SYNE1: variants seen among roughly 807,000 people sequenced by gnomAD.
SYNE1 encodes spectrin repeat containing nuclear envelope protein 1.
In SYNE1, 616 loss-of-function variants were observed where a neutral mutation model predicts 1,111.0. The ratio of observed to expected loss-of-function variants is 0.55; its 90% confidence interval spans 0.52 to 0.59. SYNE1 has a LOEUF of 0.59. SYNE1 is among the 20% of genes least tolerant of loss of function. The pLI is 0.00. For synonymous variants in SYNE1, 3,855 were observed against 3,825.8 expected, an observed-to-expected ratio of 1.01 and a Z score of -0.28; for missense variants, 10,006 against 10,417.0, an observed-to-expected ratio of 0.96 and a Z score of 1.72.
At chr6:152,624,645 A>G (rs528748171) in intron 3 of SYNE1, among the ~76,000 whole-genome samples, 2 of 152,316 alleles carry the variant, frequency 1.3e-5, no homozygotes, top group African/African-American at 4.8e-5. Context: ...AAATTGAGTA[A>G]AGTTCCAGAA....
intron 25 of SYNE1, among the ~76,000 whole-genome samples, chr6:152,451,648 C>T (rs940918286): frequency 1.3e-5 from 2 of 151,728 alleles, no homozygotes. Flanking sequence ...TGCCCAGCCA[C>T]TTTTTGTACA....
chr6:152,543,399 A>G (rs2099282930), intron 3 of SYNE1, among the ~76,000 whole-genome samples: 1 of 152,198 alleles, frequency 6.6e-6, no homozygotes, highest in Non-Finnish European at 1.5e-5. Context: ...TTAATTATTC[A>G]GCAAACCCTC....
intron 78 of SYNE1, among the ~76,000 whole-genome samples, chr6:152,327,287 A>G (rs2096096096): frequency 6.6e-6 from 1 of 152,034 alleles, no homozygotes; most frequent in African/African-American, 2.4e-5. Context: ...AAACAAACAA[A>G]CAAACAAACA....
intron 4 of SYNE1, among the ~76,000 whole-genome samples, chr6:152,530,549 T>C (rs765869024): frequency 6.6e-6 from 1 of 151,070 alleles, no homozygotes; most frequent in Non-Finnish European, 1.5e-5. Context: ...AGTCTGAAAA[T>C]GTTAAACAAA....
chr6:152,457,279 C>G (rs1327284813), intron 22 of SYNE1, among the ~76,000 whole-genome samples: 1 of 152,126 alleles, frequency 6.6e-6, no homozygotes, highest in Non-Finnish European at 1.5e-5. Flanking sequence ...TAGCCTTCAT[C>G]TTAAAGTGAG....
chr6:152,269,106 T>G lies in SYNE1; in HGVS notation c.18705+49A>C. ...TCCTTCTGAAATATGCCTCTCAGGTTCTTCTCTGGGCAGATCTGCAAGCTA... is the reference window on the plus strand; with the variant it reads ...TCCTTCTGAAATATGCCTCTCAGGTGCTTCTCTGGGCAGATCTGCAAGCTA... On this transcript the variant is annotated intron_variant, in intron 99 of 145. Transcript: ENST00000367255. 3 of 1,613,878 alleles carry G rather than the reference T, an allele frequency of 1.9e-6. No homozygotes were observed. The Middle Eastern group carries it at 4.9e-4, about 266-fold the overall frequency.
chr6:152,339,499 A>C, intron 74 of SYNE1, 133 bp from the exon 75 acceptor site: 1 of 1,310,230 alleles, frequency 7.6e-7, no homozygotes, highest in Admixed American at 1.9e-5. Flanking sequence ...CATTGTGTTC[A>C]AGTGACATAT....
intron 4 of SYNE1, among the ~76,000 whole-genome samples, chr6:152,527,628 C>G (rs927426942): frequency 6.6e-6 from 1 of 152,058 alleles, no homozygotes; most frequent in Non-Finnish European, 1.5e-5. Context: ...CACTTGTACC[C>G]AAATTATTTA....
At chr6:152,364,690 A>AAGG (rs1277105380) in intron 63 of SYNE1, among the ~76,000 whole-genome samples, 157 bp downstream of exon 63, 19 of 89,762 alleles carry the variant, frequency 2.1e-4, no homozygotes, top group African/African-American at 7.3e-4. Flanking sequence ...AGGAAGGAGG[A>AAGG]AGGAAGGAAG....
At chr6:152,413,592 C>T in intron 41 of SYNE1, 61 bp from the exon 42 acceptor site, 3 of 1,553,368 alleles carry the variant, frequency 1.9e-6, no homozygotes, top group Middle Eastern at 1.7e-4. Flanking sequence ...AATATTTCTT[C>T]TCCGTAAGTA....
In SYNE1 at chr6:152,463,380, C is replaced by T. The variant is rs745692218; in HGVS notation, c.2070G>A (p.Trp690Ter). Residue 690 changes from tryptophan (W) to a stop codon, truncating the protein, a stop_gained, in exon 19 of 146, where the codon TGG becomes TGA. Transcript: ENST00000367255. LOFTEE classifies it high-confidence loss of function. The part of the protein sequence containing the change: ...KQQLLLLNGR[W>*]RELFMEVKQY... The stretch of plus-strand genomic sequence containing the variant: ...GCTTGACTTCCATAAACAACTCCCT[C>T]CACCGCCCATTTAGCAACAGTAATT... The T allele has an allele frequency of 6.2e-7, 1 of 1,613,814 alleles. No individual in the cohort carries two copies. Among genetic ancestry groups the T allele is most frequent in the Non-Finnish European group, 8.5e-7 (1 of 1,179,772 alleles).
chr6:152,409,444 G>C, intron 43 of SYNE1, 115 bp downstream of exon 43: 1 of 1,410,760 alleles, frequency 7.1e-7, no homozygotes, highest in Non-Finnish European at 9.7e-7. Context: ...GAGCTCATTA[G>C]CATGAATTAC....
rs550371966 is a variant in SYNE1 at position 152,419,785 on chromosome 6, A to T, written c.5268-63T>A. 3.4e-4 allele frequency: 532 copies of T among 1,579,654 alleles called. 1 individual carries two copies. The African/African-American group carries it at 6.3e-3, about 19-fold the overall frequency. The stretch of plus-strand genomic sequence containing the variant: ...AGTAAACAGAAAGGATTAATGATGT[A>T]TTTTGGGAATTAAGCTTACCCAAGG... On this transcript the variant is annotated intron_variant, in intron 39 of 145. Transcript: ENST00000367255.
Position 152,122,639 on chromosome 6 carries a change from G to T in SYNE1, c.26191C>A (p.Pro8731Thr). ...CCGCGGCCGGACCGACCTGGCCCTG[G>T]CTCAGAAAGGGAGGAATCGGAGCCA... is the stretch of plus-strand genomic sequence containing the variant. ...KGGSDSSLSE[P>T]GPGRSGRGFL... Residue 8731 changes from proline (P) to threonine (T), a missense_variant, in exon 146 of 146, where the codon CCA becomes ACA. Physicochemically the swap from Pro to Thr is conservative, Grantham distance 38. Transcript: ENST00000367255. 6.2e-7 allele frequency: 1 copy of T among 1,614,104 alleles called. No homozygotes were observed. Among genetic ancestry groups the T allele is most frequent in the Non-Finnish European group, 8.5e-7 (1 of 1,179,968 alleles).
rs749790544 is a variant in SYNE1, at chr6:152,425,488, C to G, written c.5160G>C (p.Lys1720Asn). ...ASFYSKLLQL[K>N]ESLFSVASKD... Reference sequence around the variant, plus strand: ...TGGAGGCTACTGAGAACAATGATTCCTTCAATTGCAAAAGTTTGCTATAGA... The same window carrying G: ...TGGAGGCTACTGAGAACAATGATTCGTTCAATTGCAAAAGTTTGCTATAGA... The change falls in exon 39 of 146, where the codon AAG becomes AAC. Residue 1720 changes from lysine (K) to asparagine (N), a missense_variant. Physicochemically the swap from Lys to Asn is moderately conservative, Grantham distance 94. Around this residue, in one of 7 missense-constraint regions of SYNE1, gnomAD observed 1,971 missense variants for 2,084.1 expected, o/e 0.95. Coordinates refer to ENST00000367255, the MANE Select transcript of SYNE1 (RefSeq NM_182961.4). 6.2e-7 allele frequency: 1 copy of G among 1,614,156 alleles called. No individual in the cohort carries two copies. The highest frequency in any genetic ancestry group is 2.2e-5 in the East Asian group (1 of 44,870).
In SYNE1 at chr6:152,484,900, T is replaced by C. The variant is rs1243883124; in HGVS notation, c.1120A>G (p.Arg374Gly). 6.2e-7 allele frequency: 1 copy of C among 1,613,912 alleles called. No individual in the cohort carries two copies. The highest frequency in any genetic ancestry group is 1.3e-5 in the African/African-American group (1 of 75,062). ...QIEHLIQPLHRDGKLSLDQAL... is the reference protein window; with the variant it reads ...QIEHLIQPLHGDGKLSLDQAL... ...TGGTCAAGTGACAATTTACCGTCTC[T>C]GTGTAATGGTTGTATTAAATGTTCA... The change falls in exon 13 of 146, where the codon AGA becomes GGA. Residue 374 changes from arginine to glycine, a missense_variant. Physicochemically the swap from Arg to Gly is moderately radical, Grantham distance 125 (BLOSUM62 -2). Coordinates refer to ENST00000367255, the MANE Select transcript of SYNE1 (RefSeq NM_182961.4).
In SYNE1 at chr6:152,302,068, G is replaced by A. The variant is rs886043152; in HGVS notation, c.17347-5C>T. 1 of 1,614,246 alleles carries A rather than the reference G, an allele frequency of 6.2e-7. No individual in the cohort carries two copies. Among genetic ancestry groups the A allele is most frequent in the Admixed American group, 1.7e-5 (1 of 60,030 alleles). On this transcript the variant is annotated splice_region_variant and splice_polypyrimidine_tract_variant and intron_variant, in intron 91 of 145. Transcript: ENST00000367255. ...CTTAATTTTCTGCGCCAGCTCCTGA[G>A]GAAACATTTCCCCCACCGGGGTGTC... is the stretch of plus-strand genomic sequence containing the variant.
intron 6 of SYNE1, among the ~76,000 whole-genome samples, chr6:152,516,031 G>A (rs2695263): frequency 0.2 from 29,897 of 152,178 alleles, 3,131 homozygotes; most frequent in Middle Eastern, 0.32. Context: ...GACAAAGTCA[G>A]TACAAAGATC....
At chr6:152,188,986 T>A (rs9479244) in intron 128 of SYNE1, among the ~76,000 whole-genome samples, 324 of 26,160 alleles carry the variant, frequency 0.012, 1 homozygote, top group East Asian at 0.025. Flanking sequence ...AAAAAAAAAA[T>A]ATATATATAT....
Sources: allele counts gnomAD v4.1 joint callset (sites outside exome capture counted in the v4.1 genomes callset), GRCh38; gene constraint gnomAD v4.1.1; regional missense constraint gnomAD v4.1.1; transcripts MANE v1.5; gene names NCBI Gene and HGNC (gene_info 2026-07-23, HGNC 2026-07-21).